The following INPP5F variants were observed in gnomAD, a reference collection of about 807,000 sequenced individuals.
INPP5F encodes the protein inositol polyphosphate-5-phosphatase F, also known as phosphatidylinositide 4-phosphatase SAC2.
INPP5F carries 97 observed loss-of-function variants against 137.2 expected under a neutral mutation model. The observed-to-expected ratio is 0.71, with a 90% CI of 0.60 to 0.84. INPP5F has a LOEUF of 0.84. Among genes scored for constraint, INPP5F ranks in the 40% least tolerant of loss-of-function variants. The pLI is 0.00. For missense variants in INPP5F, 1,271 were observed against 1,371.9 expected (o/e 0.93, Z 1.16); for synonymous variants, 504 against 476.9 (o/e 1.06, Z -0.74).
At position 119,791,605 on chromosome 10, in the gene INPP5F, C is replaced by A. The variant is rs903287908; in HGVS notation, c.404C>A (p.Thr135Lys). ...TCAAAGTTTCTACTGAAGACCTTTACGCATATTAAATCCAATGTGTCTGCT... is the reference window on the plus strand; with the variant it reads ...TCAAAGTTTCTACTGAAGACCTTTAAGCATATTAAATCCAATGTGTCTGCT... Reference protein sequence around the residue: ...DDSKFLLKTFTHIKSNVSAPN... With the variant: ...DDSKFLLKTFKHIKSNVSAPN... Residue 135 changes from threonine to lysine, a missense_variant, in exon 4 of 20, where the codon ACG becomes AAG. Thr to Lys is a moderately conservative substitution (Grantham distance 78). Coordinates refer to ENST00000650623, the MANE Select transcript of INPP5F (RefSeq NM_014937.4). 1.9e-6 allele frequency: 3 copies of A among 1,604,808 alleles called. No individual in the cohort carries two copies.
In INPP5F at chr10:119,737,693, G is replaced by A. The variant is rs148121011; in HGVS notation, c.97+11334G>A. The stretch of plus-strand genomic sequence containing the variant: ...TATCAAACTTTGCATTTATAAGATA[G>A]CACCTGAATCAAATTATTCCTTACC... On this transcript the variant is annotated intron_variant, in intron 1 of 19. Transcript: ENST00000650623. 2.1e-4 allele frequency among the ~76,000 whole-genome samples: 32 copies of A among 152,314 alleles called. No homozygotes were observed. In the East Asian group the frequency reaches 4.1e-3, roughly 19 times the overall value.
chr10:119,757,329 A>C (rs534444381), intron 2 of INPP5F, among the ~76,000 whole-genome samples: 2 of 151,778 alleles, frequency 1.3e-5, no homozygotes, highest in East Asian at 3.9e-4. Flanking sequence ...CAGCCTCCCA[A>C]AGTGCTGGGA....
rs774026761 is a variant in INPP5F at position 119,827,427 on chromosome 10, GTC to G, written c.3052_3053del (p.Leu1018PhefsTer11). The G allele has an allele frequency of 1.9e-6, 3 of 1,614,190 alleles. No individual in the cohort carries two copies. Among genetic ancestry groups the G allele is most frequent in the Admixed American group, 1.7e-5 (1 of 60,022 alleles). ...ACCTTCTCGGCCATCGCAATTAGAT[GTC>G]TCTCTTTCTGCAACAGGCCCACAGT... ...QTPSRPSQLD[V>X]SLSATGPQFL... On this transcript the variant is annotated frameshift_variant, in exon 20 of 20. Coordinates refer to ENST00000650623, the MANE Select transcript of INPP5F (RefSeq NM_014937.4). LOFTEE classifies it high-confidence loss of function.
intron 1 of INPP5F, among the ~76,000 whole-genome samples, chr10:119,730,879 C>G (rs995111597): frequency 1.1e-4 from 17 of 152,016 alleles, no homozygotes; most frequent in African/African-American, 4.1e-4. Flanking sequence ...CCTCTGCCTC[C>G]CAGGTTCAAG....
intron 8 of INPP5F, 65 bp downstream of exon 8, chr10:119,797,705 G>T (rs1016833016): frequency 7.9e-7 from 1 of 1,269,354 alleles, no homozygotes; most frequent in South Asian, 1.8e-5. Flanking sequence ...TAAGAAATTA[G>T]TTACCTGTTA....
intron 2 of INPP5F, among the ~76,000 whole-genome samples, chr10:119,764,228 C>T (rs1849087425): frequency 6.6e-6 from 1 of 152,232 alleles, no homozygotes; most frequent in Admixed American, 6.5e-5. Flanking sequence ...GCTGCTTCCA[C>T]ATCTTTAGAT....
At position 119,821,362 on chromosome 10, in the gene INPP5F, A is replaced by ATGTGTG. The variant is rs1411173805; in HGVS notation, c.1958+449_1958+450insTGTGTG. ...CGTGTGTGTGTGTGTGTGTGTGTGC[A>ATGTGTG]TGTGCCTGCGCACTTCTTTGGTTAC... On this transcript the variant is annotated intron_variant, in intron 16 of 19. Coordinates refer to ENST00000650623, the MANE Select transcript of INPP5F (RefSeq NM_014937.4). 1.8e-4 allele frequency among the ~76,000 whole-genome samples: 25 copies of ATGTGTG among 141,912 alleles called. No homozygotes were observed. The South Asian group carries it at 6.6e-3, about 37-fold the overall frequency. The allele number at this position is 141,912 out of a possible 152,430, so 93.1% of individuals were successfully genotyped here.
In INPP5F at chr10:119,827,245, C is replaced by T. The variant is rs773312897; in HGVS notation, c.2864C>T (p.Pro955Leu). The change falls in exon 20 of 20, where the codon CCT (proline) becomes CTT (leucine). Residue 955 changes from proline to leucine, a missense_variant. Coordinates refer to ENST00000650623, the MANE Select transcript of INPP5F (RefSeq NM_014937.4). ...DVHILTGFAK[P>L]MDIYCHRFVQ... ...CACATATTGACTGGCTTTGCCAAGC[C>T]TATGGATATTTACTGCCACAGATTT... 3.7e-6 allele frequency: 6 copies of T among 1,614,094 alleles called. No individual in the cohort carries two copies. The highest frequency in any genetic ancestry group is 5.1e-6 in the Non-Finnish European group (6 of 1,180,026).
intron 19 of INPP5F, 64 bp from the exon 20 acceptor site, chr10:119,826,567 A>G: frequency 1.6e-6 from 2 of 1,271,180 alleles, no homozygotes; most frequent in Non-Finnish European, 2.2e-6. Context: ...CACTTATGTT[A>G]ATAACTGGAA....
At chr10:119,766,994 A>G (rs971231411) in intron 2 of INPP5F, among the ~76,000 whole-genome samples, 2 of 149,824 alleles carry the variant, frequency 1.3e-5, no homozygotes, top group Admixed American at 1.3e-4. Flanking sequence ...AATCCCAGCT[A>G]CTTGGGAGGC....
chr10:119,791,815 C>T, intron 4 of INPP5F, 54 bp from the exon 5 acceptor site: 2 of 1,456,794 alleles, frequency 1.4e-6, no homozygotes, highest in Non-Finnish European at 1.9e-6. Context: ...ATGTGTTATC[C>T]CCAGACTACT....
chr10:119,821,570 T>G (rs923910911), intron 16 of INPP5F, among the ~76,000 whole-genome samples: 3 of 152,220 alleles, frequency 2.0e-5, no homozygotes, highest in African/African-American at 7.2e-5. Flanking sequence ...AAACTATTGT[T>G]TTTTAGTCAT....
At position 119,827,866 on chromosome 10, in the gene INPP5F, AC is replaced by A. The variant is rs1333837626; in HGVS notation, c.*89del. 1 of 1,000,668 alleles carries A rather than the reference AC, an allele frequency of 1.0e-6. No individual in the cohort carries two copies. Among genetic ancestry groups the A allele is most frequent in the Non-Finnish European group, 1.5e-6 (1 of 681,440 alleles). 62.0% of individuals were successfully genotyped at this position (1,000,668 alleles called of 1,614,324 possible). On this transcript the variant is annotated 3_prime_UTR_variant, in exon 20 of 20. Transcript: ENST00000650623. ...GGGGTATTTTAATTGTACTGTCTGA[AC>A]CCAGGGATCACAAATTCTGTTCATT... is the stretch of plus-strand genomic sequence containing the variant.
intron 2 of INPP5F, among the ~76,000 whole-genome samples, chr10:119,773,030 G>A (rs1042613213): frequency 6.6e-6 from 1 of 151,246 alleles, no homozygotes; most frequent in African/African-American, 2.4e-5. Context: ...TTACAGGTGT[G>A]AGCCACTGCG....
chr10:119,806,282 A>T (rs1363004237), intron 11 of INPP5F, 78 bp from the exon 12 acceptor site: 1 of 1,044,320 alleles, frequency 9.6e-7, no homozygotes, highest in African/African-American at 1.6e-5. Flanking sequence ...TGTTTTATTG[A>T]TATACTTTAA....
Position 119,751,090 on chromosome 10 carries a change from C to G in INPP5F, c.112C>G (p.Leu38Val). The G allele has an allele frequency of 6.2e-7, 1 of 1,607,684 alleles. No homozygotes were observed. The highest frequency in any genetic ancestry group is 2.2e-5 in the East Asian group (1 of 44,828). ...TTTTATTTTAGCTACTGATCTACTT[C>G]TTGCCTGGAATCCCATTTGTTTGGG... ...LQLRPATDLL[L>V]AWNPICLGLV... is the part of the protein sequence containing the mutation. The change falls in exon 2 of 20, where the codon CTT becomes GTT. Residue 38 changes from leucine to valine, a missense_variant. Around this residue, in one of 6 missense-constraint regions of INPP5F, gnomAD observed 109 missense variants for 105.1 expected, o/e 1.04. Coordinates refer to ENST00000650623, the MANE Select transcript of INPP5F (RefSeq NM_014937.4).
chr10:119,790,692 A>G (rs1850109702), intron 3 of INPP5F, among the ~76,000 whole-genome samples: 3 of 152,258 alleles, frequency 2.0e-5, no homozygotes, highest in Admixed American at 1.3e-4. Context: ...TAGCAATGCA[A>G]CTAGTTTGTT....
rs529336153 is a variant in INPP5F, at chr10:119,797,629, G to A, written c.1037G>A (p.Arg346Gln). 5 of 1,609,794 alleles carry A rather than the reference G, an allele frequency of 3.1e-6. No individual in the cohort carries two copies. The highest frequency in any genetic ancestry group is 2.2e-5 in the East Asian group (1 of 44,816). ...QVGYRYNPRP[R>Q]LDRSEKETVA... ...GGGTATCGATATAACCCAAGACCGC[G>A]GCTGGACAGAAGTAAGCAGGTCAAT... Residue 346 changes from arginine to glutamine, a missense_variant, in exon 8 of 20, where the codon CGG (arginine) becomes CAG (glutamine). Physicochemically the swap from Arg to Gln is conservative, Grantham distance 43. Around this residue, in one of 6 missense-constraint regions of INPP5F, gnomAD observed 593 missense variants for 712.4 expected, o/e 0.83. Transcript: ENST00000650623.
rs185696108 is a variant in INPP5F, at chr10:119,822,135, G to A, written c.1959-296G>A. Among the ~76,000 whole-genome samples, 296 of 152,092 alleles carry A rather than the reference G, an allele frequency of 1.9e-3. 1 individual carries two copies. The highest frequency in any genetic ancestry group is 6.8e-3 in the African/African-American group (281 of 41,498). On this transcript the variant is annotated intron_variant, in intron 16 of 19. Coordinates refer to ENST00000650623, the MANE Select transcript of INPP5F (RefSeq NM_014937.4). ...GAACTCCTGACCTCATGATCCACCC[G>A]CCTCGGCCCCCTAAAGTGCTGGGAT...
Sources: gnomAD v4.1 joint callset for allele counts (sites outside exome capture counted in the v4.1 genomes callset) on GRCh38, gnomAD v4.1.1 for gene constraint, gnomAD v4.1.1 regional missense constraint, MANE v1.5 for transcripts, NCBI Gene and HGNC (gene_info 2026-07-23, HGNC 2026-07-21) for gene names.